Variants in SH3TC1 observed in about 807,000 individuals in gnomAD.
The protein encoded by SH3TC1 is SH3 domain and tetratricopeptide repeats 1, also known as SH3 domain and tetratricopeptide repeat-containing protein 1.
In SH3TC1, 135 loss-of-function variants were observed where a neutral mutation model predicts 117.3. The observed-to-expected ratio is 1.15, with a 90% CI of 1.00 to 1.33. The LOEUF (loss-of-function observed/expected upper bound fraction) is 1.33, where lower values mean the gene tolerates loss of function less well. Among genes scored for constraint, SH3TC1 ranks in the 40% most tolerant of loss-of-function variants. SH3TC1 has a pLI of 0.00. For missense variants in SH3TC1, 2,092 were observed against 1,794.3 expected, an observed-to-expected ratio of 1.17 and a Z score of -3.00; for synonymous variants, 898 against 816.9, an observed-to-expected ratio of 1.10 and a Z score of -1.69.
intron 6 of SH3TC1, among the ~76,000 whole-genome samples, 173 bp from the exon 7 acceptor site, chr4:8,216,784 G>C (rs975661650): frequency 6.6e-6 from 1 of 152,180 alleles, no homozygotes. Context: ...CTGGGACCTC[G>C]CCCTGGGCCC....
chr4:8,216,320 T>A (rs1719268711), intron 6 of SH3TC1, 63 bp downstream of exon 6: 2 of 1,569,098 alleles, frequency 1.3e-6, no homozygotes, highest in Admixed American at 3.5e-5. Flanking sequence ...GGCCATGGGG[T>A]GACAGCCTGG....
intron 15 of SH3TC1, 162 bp from the exon 16 acceptor site, chr4:8,236,116 G>A: frequency 1.1e-6 from 1 of 890,598 alleles, no homozygotes; most frequent in Non-Finnish European, 1.6e-6. Flanking sequence ...TCAGCCCCTA[G>A]CTTGGGTGTC....
chr4:8,221,406 G>A (rs1481354717), intron 9 of SH3TC1, among the ~76,000 whole-genome samples: 1 of 151,424 alleles, frequency 6.6e-6, no homozygotes, highest in African/African-American at 2.4e-5. Flanking sequence ...CAGACCCGGG[G>A]TTTTCATCTT....
At chr4:8,191,695 G>A (rs185986791) in intron 1 of SH3TC1, among the ~76,000 whole-genome samples, 1 of 152,256 alleles carries the variant, frequency 6.6e-6, no homozygotes, top group East Asian at 1.9e-4. Context: ...GTGCGCAGAG[G>A]AATCAACTCA....
chr4:8,209,338 G>T lies in SH3TC1; in HGVS notation c.173-410G>T, dbSNP rs1718451919. On this transcript the variant is annotated intron_variant, in intron 2 of 17. Transcript: ENST00000245105. This position sits in a 1 kb window ranked among gnomAD's most constrained non-coding sequence, Gnocchi z 5.9. Reference sequence around the variant, plus strand: ...AGGGAGAGGCAGAAAAGGAGATGCAGTGACAAAGCGGAAGTAGAAGTGGCG... The same window carrying T: ...AGGGAGAGGCAGAAAAGGAGATGCATTGACAAAGCGGAAGTAGAAGTGGCG... 6.6e-6 allele frequency among the ~76,000 whole-genome samples: 1 copy of T among 152,210 alleles called. No homozygotes were observed. Among genetic ancestry groups the T allele is most frequent in the Admixed American group, 6.5e-5 (1 of 15,292 alleles).
chr4:8,213,471 T>G (rs1718930667), intron 4 of SH3TC1, among the ~76,000 whole-genome samples: 1 of 152,228 alleles, frequency 6.6e-6, no homozygotes, highest in Non-Finnish European at 1.5e-5. Flanking sequence ...ACCTGCAGGC[T>G]GCTGGACACA....
intron 3 of SH3TC1, among the ~76,000 whole-genome samples, chr4:8,212,046 G>C (rs138048902): frequency 7.2e-5 from 11 of 152,234 alleles, no homozygotes; most frequent in Non-Finnish European, 1.5e-4. Context: ...GTGGGGTGGG[G>C]GGTGGAGCCC....
intron 12 of SH3TC1, 188 bp from the exon 13 acceptor site, chr4:8,231,788 G>T (rs1196043901): frequency 3.2e-6 from 2 of 634,426 alleles, no homozygotes; most frequent in African/African-American, 3.7e-5. Context: ...TGTAAAGAAG[G>T]CCGGCCTCTA....
At position 8,237,591 on chromosome 4, in the gene SH3TC1, C is replaced by A. The variant is rs191214030; in HGVS notation, c.3674C>A (p.Pro1225Gln). 1.9e-6 allele frequency: 3 copies of A among 1,612,384 alleles called. No homozygotes were observed. The highest frequency in any genetic ancestry group is 2.5e-6 in the Non-Finnish European group (3 of 1,179,628). The change falls in exon 17 of 18, where the codon CCG becomes CAG. Residue 1225 changes from proline to glutamine, a missense_variant. Transcript: ENST00000245105. ...YLKALSLCNS[P>Q]LEFDEETLYY... ...AAGGCCCTGTCGCTCTGCAACTCGC[C>A]GCTGGAGTTTGACGAGGAGACCCTC...
In SH3TC1 at chr4:8,205,071, C is replaced by T. The variant is rs892878053; in HGVS notation, c.-28-96C>T. ...TCTGAAAGGTGCAGGCGCTCAGCAA[C>T]GCTGGTGTTCTCTTTCTGGACCCCA... On this transcript the variant is annotated intron_variant, in intron 1 of 17. Transcript: ENST00000245105. This position sits in a 1 kb window ranked among gnomAD's most constrained non-coding sequence, Gnocchi z 5.4. The T allele has an allele frequency of 4.2e-5, 43 of 1,014,230 alleles. No homozygotes were observed. Among genetic ancestry groups the T allele is most frequent in the South Asian group, 7.9e-5 (4 of 50,830 alleles). 62.8% of individuals were successfully genotyped at this position (1,014,230 alleles called of 1,614,324 possible).
chr4:8,228,756 G>C, intron 12 of SH3TC1, 112 bp downstream of exon 12: 1 of 953,796 alleles, frequency 1.0e-6, no homozygotes, highest in Non-Finnish European at 1.5e-6. Flanking sequence ...AAAGTGCTGA[G>C]TCATGGCAAA....
At chr4:8,230,184 G>A (rs1019843749) in intron 12 of SH3TC1, among the ~76,000 whole-genome samples, 1 of 152,202 alleles carries the variant, frequency 6.6e-6, no homozygotes, top group Admixed American at 6.5e-5. Flanking sequence ...TAGATGATCT[G>A]ATTTGTTGGC....
Position 8,228,501 on chromosome 4 carries a change from T to A in SH3TC1, c.2807T>A (p.Leu936Gln), listed in dbSNP as rs1431779344. Residue 936 changes from leucine (L) to glutamine (Q), a missense_variant, in exon 12 of 18, where the codon CTG (leucine) becomes CAG (glutamine). By Grantham distance (113) the Leu-to-Gln change is moderately radical (BLOSUM62 -2). Transcript: ENST00000245105. ...GAGGCCGTGCGGCTGTTCTCGAGGC[T>A]GCCCCTTGGGGAGTGTGGCCGGGAC... ...LLEAVRLFSRLPLGECGRDFT... is the reference protein window; with the variant it reads ...LLEAVRLFSRQPLGECGRDFT... The A allele has an allele frequency of 2.5e-6, 4 of 1,611,396 alleles. No individual in the cohort carries two copies. Among genetic ancestry groups the A allele is most frequent in the East Asian group, 4.5e-5 (2 of 44,868 alleles).
At position 8,226,960 on chromosome 4, in the gene SH3TC1, G is replaced by A. The variant is rs1720506819; in HGVS notation, c.1286-20G>A. On this transcript the variant is annotated intron_variant, in intron 11 of 17. Coordinates refer to ENST00000245105, the MANE Select transcript of SH3TC1 (RefSeq NM_018986.5). ...TCACTGCTGGACTCTAATCTGTCTA[G>A]GTGTTTTTGTGACTTGCAGAAATAC... 1 of 1,518,322 alleles carries A rather than the reference G, an allele frequency of 6.6e-7. No homozygotes were observed. Among genetic ancestry groups the A allele is most frequent in the South Asian group, 1.3e-5 (1 of 76,696 alleles). 94.1% of individuals were successfully genotyped at this position (1,518,322 alleles called of 1,614,324 possible). A position where few individuals can be genotyped will look rare whatever the true frequency, so the allele number is the denominator to read the frequency against.
chr4:8,212,184 T>A (rs1296707025), intron 3 of SH3TC1, among the ~76,000 whole-genome samples: 1 of 151,948 alleles, frequency 6.6e-6, no homozygotes, highest in East Asian at 1.9e-4. Flanking sequence ...GAGGCAGAAC[T>A]GAGATTTCCA....
intron 14 of SH3TC1, among the ~76,000 whole-genome samples, chr4:8,235,097 C>A (rs191893283): frequency 8.3e-4 from 127 of 152,354 alleles, no homozygotes; most frequent in Admixed American, 2.0e-3. Context: ...GATGTGGCAA[C>A]TCAGAAAGGA....
At position 8,219,377 on chromosome 4, in the gene SH3TC1, G is replaced by A. The variant is rs752736688; in HGVS notation, c.959G>A (p.Gly320Glu). ...GCATTGGCAGACTTCCAGGGCTCGG[G>A]GCCCGAAGAGATGACCTTCCGAGGT... ...ASALADFQGS[G>E]PEEMTFRGGD... The change falls in exon 9 of 18, where the codon GGG (glycine) becomes GAG (glutamate). Residue 320 changes from glycine to glutamate, a missense_variant. Coordinates refer to ENST00000245105, the MANE Select transcript of SH3TC1 (RefSeq NM_018986.5). 8 of 1,608,578 alleles carry A rather than the reference G, an allele frequency of 5.0e-6. No individual in the cohort carries two copies. The East Asian group carries it at 6.7e-5, about 13-fold the overall frequency.
chr4:8,206,832 C>CGTGTGT lies in SH3TC1; in HGVS notation c.172+1498_172+1503dup, dbSNP rs58753240. 9.3e-3 allele frequency among the ~76,000 whole-genome samples: 1,349 copies of CGTGTGT among 144,746 alleles called. 18 individuals carry two copies. The highest frequency in any genetic ancestry group is 0.027 in the African/African-American group (1,057 of 39,294). The allele number at this position is 144,746 out of a possible 152,430, so 95.0% of individuals were successfully genotyped here. A position where few individuals can be genotyped will look rare whatever the true frequency, so the allele number is the denominator to read the frequency against. ...AGGACTTTTACTTTGTGTGTGTACT[C>CGTGTGT]GTGTGTGTGTGTGTGTGTGTGTGTG... On this transcript the variant is annotated intron_variant, in intron 2 of 17. Transcript: ENST00000245105. The surrounding 1 kb of genome is among the most constrained non-coding windows in gnomAD (Gnocchi z 5.5).
At chr4:8,221,021 G>C (rs1317957149) in intron 9 of SH3TC1, among the ~76,000 whole-genome samples, 1 of 152,240 alleles carries the variant, frequency 6.6e-6, no homozygotes, top group Non-Finnish European at 1.5e-5. Context: ...GGGATTCCCA[G>C]CACAAACAAG....
Sources: allele counts gnomAD v4.1 joint callset (sites outside exome capture counted in the v4.1 genomes callset), GRCh38; gene constraint gnomAD v4.1.1; non-coding constraint Gnocchi (gnomAD v3.1); transcripts MANE v1.5; gene names NCBI Gene and HGNC (gene_info 2026-07-23, HGNC 2026-07-21).